Variants in SCLT1 observed in about 807,000 individuals in gnomAD.
The protein encoded by SCLT1 is sodium channel and clathrin linker 1.
A neutral mutation model predicts 112.8 loss-of-function variants in SCLT1; 78 were observed. The ratio of observed to expected loss-of-function variants is 0.69; its 90% CI spans 0.58 to 0.83. The LOEUF is 0.83. Among genes scored for constraint, SCLT1 ranks in the 40% least tolerant of loss-of-function variants. The pLI, the probability that SCLT1 is intolerant of heterozygous loss-of-function variation, is 0.00. For missense variants in SCLT1, 747 were observed against 770.4 expected (o/e 0.97, Z 0.36); for synonymous variants, 257 against 254.7 (o/e 1.01, Z -0.09).
intron 5 of SCLT1, among the ~76,000 whole-genome samples, chr4:129,008,377 T>C (rs1744217143): frequency 6.6e-6 from 1 of 152,212 alleles, no homozygotes; most frequent in Non-Finnish European, 1.5e-5. Context: ...CTATCACATC[T>C]GTTGAAAAGT....
At chr4:129,055,151 G>A (rs1336613429) in intron 2 of SCLT1, among the ~76,000 whole-genome samples, 1 of 152,202 alleles carries the variant, frequency 6.6e-6, no homozygotes, top group Admixed American at 6.5e-5. Flanking sequence ...TCATCCCAGA[G>A]GGGCACTGGC....
chr4:128,943,095 T>C lies in SCLT1; in HGVS notation c.1533A>G (p.Glu511=), dbSNP rs146316606. ...SERENCGLVS[E]QRLKLQQENK... ...TTTCTTGCTGAAGTTTTAGCCTTTG[T>C]TCACTGACAAGCCCACAGTTCTCTC... The change falls in exon 17 of 21, where the codon GAA becomes GAG. Residue 511 remains glutamate, a synonymous_variant. Coordinates refer to ENST00000281142, the MANE Select transcript of SCLT1 (RefSeq NM_144643.4). 4.3e-6 allele frequency: 7 copies of C among 1,613,102 alleles called. No homozygotes were observed. Among genetic ancestry groups the C allele is most frequent in the Middle Eastern group, 1.7e-4 (1 of 6,060 alleles).
intron 10 of SCLT1, 89 bp downstream of exon 10, chr4:128,970,288 AC>A: frequency 1.4e-6 from 1 of 725,440 alleles, no homozygotes; most frequent in South Asian, 1.6e-5. Context: ...TCTTCTGACA[AC>A]CCTCTTTAAC....
At chr4:128,990,027 A>C (rs1211367890) in intron 9 of SCLT1, among the ~76,000 whole-genome samples, 3 of 151,922 alleles carry the variant, frequency 2.0e-5, no homozygotes, top group African/African-American at 4.8e-5. Context: ...GAACATTTAA[A>C]GAAGAAATAA....
At chr4:128,891,358 A>G (rs866208358) in intron 18 of SCLT1, among the ~76,000 whole-genome samples, 10 of 152,206 alleles carry the variant, frequency 6.6e-5, no homozygotes, top group Non-Finnish European at 1.5e-4. Flanking sequence ...GTATACATGT[A>G]ACACTATTGG....
chr4:129,076,956 T>G lies in SCLT1; in HGVS notation c.102+5350A>C, dbSNP rs116545963. Among the ~76,000 whole-genome samples, 845 of 152,210 alleles carry G rather than the reference T, an allele frequency of 5.6e-3. 15 individuals are homozygous for G. Among genetic ancestry groups the G allele is most frequent in the African/African-American group, 0.019 (795 of 41,568 alleles). On this transcript the variant is annotated intron_variant, in intron 2 of 20. Coordinates refer to ENST00000281142, the MANE Select transcript of SCLT1 (RefSeq NM_144643.4). ...AAATGTAATGAAGAGAACAGATGAT[T>G]GAATTATGAAAGTATAATGAGCCAA... is the stretch of plus-strand genomic sequence containing the variant.
Position 129,061,729 on chromosome 4 carries a change from A to G in SCLT1, c.103-17678T>C, listed in dbSNP as rs193281119. Among the ~76,000 whole-genome samples the G allele has an allele frequency of 4.5e-4, 68 of 152,224 alleles. 1 individual carries two copies. Among genetic ancestry groups the G allele is most frequent in the African/African-American group, 1.6e-3 (65 of 41,542 alleles). On this transcript the variant is annotated intron_variant, in intron 2 of 20. Transcript: ENST00000281142. ...CCTGGCCCACAGGGAAGGGTGTAACAGTTTCTCACAGCTCAGTCTTGAGAT... is the reference window on the plus strand; with the variant it reads ...CCTGGCCCACAGGGAAGGGTGTAACGGTTTCTCACAGCTCAGTCTTGAGAT...
At chr4:128,957,765 A>G (rs1419698237) in intron 12 of SCLT1, among the ~76,000 whole-genome samples, 4 of 152,102 alleles carry the variant, frequency 2.6e-5, no homozygotes, top group African/African-American at 9.7e-5. Flanking sequence ...CATGATCTCC[A>G]TATTGATTAT....
intron 5 of SCLT1, among the ~76,000 whole-genome samples, chr4:129,033,501 G>GT (rs1491338143): frequency 9.7e-4 from 6 of 6,172 alleles, no homozygotes; most frequent in Non-Finnish European, 2.0e-3. Context: ...AGAACTTAAA[G>GT]TAAAAAAAAA....
chr4:128,984,842 C>A (rs1741953834), intron 9 of SCLT1, among the ~76,000 whole-genome samples: 1 of 151,650 alleles, frequency 6.6e-6, no homozygotes, highest in Non-Finnish European at 1.5e-5. Flanking sequence ...TGCTCATTCC[C>A]AATCCCTTTC....
intron 2 of SCLT1, among the ~76,000 whole-genome samples, chr4:129,052,463 G>A (rs1310269047): frequency 2.6e-5 from 4 of 151,876 alleles, no homozygotes; most frequent in Non-Finnish European, 5.9e-5. Context: ...GAGGGTGTAT[G>A]TGTTCAGGAA....
At chr4:128,969,797 T>C (rs1375324612) in intron 10 of SCLT1, among the ~76,000 whole-genome samples, 13 of 152,218 alleles carry the variant, frequency 8.5e-5, no homozygotes, top group Admixed American at 8.5e-4. Flanking sequence ...AGTTTTAAAA[T>C]TGTTACCTAT....
intron 12 of SCLT1, among the ~76,000 whole-genome samples, chr4:128,957,456 C>A (rs1739315114): frequency 6.6e-6 from 1 of 152,006 alleles, no homozygotes; most frequent in Admixed American, 6.6e-5. Flanking sequence ...GGTATTGTAT[C>A]CTTATAAGAA....
At chr4:129,082,662 C>T (rs1055818610) in intron 1 of SCLT1, among the ~76,000 whole-genome samples, 3 of 152,132 alleles carry the variant, frequency 2.0e-5, no homozygotes, top group South Asian at 2.1e-4. Context: ...GCTTGCTCTT[C>T]GGGTTAATGA....
chr4:129,019,887 T>C lies in SCLT1; in HGVS notation c.291-16011A>G, dbSNP rs79611992. ...TAATCATACACATTTTTTTTTTTCC[T>C]ATCTGGTATTCTCCAGTTCTAAAGT... On this transcript the variant is annotated intron_variant, in intron 5 of 20. Transcript: ENST00000281142. Among the ~76,000 whole-genome samples, 1,202 of 152,222 alleles carry C rather than the reference T, an allele frequency of 7.9e-3. 15 individuals carry two copies. Among genetic ancestry groups the C allele is most frequent in the African/African-American group, 0.028 (1,153 of 41,512 alleles).
chr4:129,072,074 G>C (rs1023573720), intron 2 of SCLT1, among the ~76,000 whole-genome samples: 40 of 152,118 alleles, frequency 2.6e-4, no homozygotes, highest in Non-Finnish European at 8.8e-5. Flanking sequence ...TTGATATGAT[G>C]CTTAGTTTAG....
chr4:128,989,377 T>C (rs554671692), intron 9 of SCLT1, among the ~76,000 whole-genome samples: 1 of 151,780 alleles, frequency 6.6e-6, no homozygotes, highest in East Asian at 1.9e-4. Flanking sequence ...TAAATGACCA[T>C]TGGGTCAATT....
intron 18 of SCLT1, among the ~76,000 whole-genome samples, chr4:128,900,910 G>A (rs1240105154): frequency 6.6e-6 from 1 of 151,952 alleles, no homozygotes; most frequent in South Asian, 2.1e-4. Flanking sequence ...GCAGCCAAAA[G>A]ACACATGAAA....
At chr4:129,068,847 C>T (rs1272380134) in intron 2 of SCLT1, among the ~76,000 whole-genome samples, 1 of 152,126 alleles carries the variant, frequency 6.6e-6, no homozygotes, top group African/African-American at 2.4e-5. Context: ...AAATTCTTGC[C>T]TAAGCCAATG....
Sources: gnomAD v4.1 joint callset for allele counts (sites outside exome capture counted in the v4.1 genomes callset) on GRCh38, gnomAD v4.1.1 for gene constraint, MANE v1.5 for transcripts, NCBI Gene and HGNC (gene_info 2026-07-23, HGNC 2026-07-21) for gene names.